LY75: variants seen among roughly 807,000 people sequenced by gnomAD.
LY75 encodes the protein C-type lectin domain family 13 member B.
Under a neutral mutation model 231.7 loss-of-function variants are expected in LY75, and 185 were observed. That is an observed-to-expected ratio of 0.80 (90% confidence interval 0.71 to 0.90). LY75 has a LOEUF of 0.90. LY75 is among the 40% of genes least tolerant of loss of function. The probability of loss-of-function intolerance (pLI) is 0.00; values close to 1 mark genes in which losing one functional copy is unlikely to be tolerated. For missense variants in LY75, 1,947 were observed against 2,050.2 expected, an observed-to-expected ratio of 0.95 and a Z score of 0.97; for synonymous variants, 668 against 689.0, an observed-to-expected ratio of 0.97 and a Z score of 0.48.
At chr2:159,882,347 A>G (rs1258828083) in intron 6 of LY75, 32 bp from the exon 7 acceptor site, 2 of 1,603,312 alleles carry the variant, frequency 1.2e-6, no homozygotes, top group Admixed American at 3.4e-5. Context: ...ATATTCCAGT[A>G]AAGATACATC....
rs1200438736 is a variant in LY75 at position 159,840,815 on chromosome 2, T to C, written c.3421A>G (p.Ile1141Val). 2 of 1,614,174 alleles carry C rather than the reference T, an allele frequency of 1.2e-6. No individual in the cohort carries two copies. The highest frequency in any genetic ancestry group is 1.7e-6 in the Non-Finnish European group (2 of 1,180,008). ...AATGCCTGCTGGTAAGGGTCCGTGA[T>C]GCTCACCAGCTGCATGTTACTTTTC... ...CLKSNMQLVS[I>V]TDPYQQAFLS... The change falls in exon 25 of 35, where the codon ATC becomes GTC. Residue 1141 changes from isoleucine (I) to valine (V), a missense_variant. Coordinates refer to ENST00000263636, the MANE Select transcript of LY75 (RefSeq NM_002349.4).
intron 16 of LY75, among the ~76,000 whole-genome samples, chr2:159,856,801 A>T (rs185286764): frequency 0.014 from 2,159 of 152,196 alleles, 28 homozygotes; most frequent in East Asian, 0.037. Flanking sequence ...TATTAAAAAA[A>T]ATATATATAC....
chr2:159,872,458 G>C lies in LY75; in HGVS notation c.2110C>G (p.Gln704Glu), dbSNP rs1560092018. Reference sequence around the variant, plus strand: ...TCATTCTTAAAGTATTACCTGAACTGGTCCGTTAAAAAGTGAAGAAATTCC... The same window carrying C: ...TCATTCTTAAAGTATTACCTGAACTCGTCCGTTAAAAAGTGAAGAAATTCC... ...IKEFLHFLTD[Q>E]FSGQHWLWIG... Residue 704 changes from glutamine to glutamate, a missense_variant, in exon 13 of 35, where the codon CAG becomes GAG. Coordinates refer to ENST00000263636, the MANE Select transcript of LY75 (RefSeq NM_002349.4). The C allele has an allele frequency of 6.2e-7, 1 of 1,613,536 alleles. No individual in the cohort carries two copies. Among genetic ancestry groups the C allele is most frequent in the Non-Finnish European group, 8.5e-7 (1 of 1,179,750 alleles).
At chr2:159,879,456 CAG>C in intron 8 of LY75, 87 bp from the exon 9 acceptor site, 28 of 1,542,676 alleles carry the variant, frequency 1.8e-5, no homozygotes, top group South Asian at 2.3e-5. Context: ...ATGACAGAGA[CAG>C]AGAGAGAGAA....
rs563165947 is a variant in LY75, at chr2:159,893,915, A to G, written c.636T>C (p.Pro212=). 6.2e-7 allele frequency: 1 copy of G among 1,607,916 alleles called. No individual in the cohort carries two copies. Residue 212 remains proline, a splice_region_variant and synonymous_variant, in exon 3 of 35, where the codon CCT becomes CCC. Coordinates refer to ENST00000263636, the MANE Select transcript of LY75 (RefSeq NM_002349.4). ...YDRKWGICLK[P]ENGCEDNWEK... The stretch of plus-strand genomic sequence containing the variant: ...TAAAATTTACCAGCCCATACATACC[A>G]GGCTTTAAGCAGATGCCCCACTTTC...
chr2:159,851,600 A>G (rs1560081434), intron 21 of LY75, among the ~76,000 whole-genome samples: 1 of 152,230 alleles, frequency 6.6e-6, no homozygotes, highest in Non-Finnish European at 1.5e-5. Flanking sequence ...ATCTTTTCTC[A>G]TACTGTAGCA....
chr2:159,862,879 T>C (rs1684755927), intron 14 of LY75, among the ~76,000 whole-genome samples: 1 of 152,160 alleles, frequency 6.6e-6, no homozygotes, highest in Non-Finnish European at 1.5e-5. Flanking sequence ...CAACTTGTTG[T>C]ACAATAGATC....
At chr2:159,869,535 C>G (rs1684950362) in intron 13 of LY75, among the ~76,000 whole-genome samples, 1 of 152,138 alleles carries the variant, frequency 6.6e-6, no homozygotes. Flanking sequence ...TAGAGAAACT[C>G]TCACACTTCT....
At chr2:159,853,736 A>T (rs768698980) in intron 18 of LY75, 39 bp from the exon 19 acceptor site, 11 of 1,611,786 alleles carry the variant, frequency 6.8e-6, no homozygotes, top group Non-Finnish European at 8.5e-7. Context: ...ATATGTGCTG[A>T]GCTTTCTTGA....
chr2:159,898,886 T>C lies in LY75; in HGVS notation c.268A>G (p.Lys90Glu), dbSNP rs758916605. 17 of 1,614,036 alleles carry C rather than the reference T, an allele frequency of 1.1e-5. No homozygotes were observed. The highest frequency in any genetic ancestry group is 1.4e-5 in the Non-Finnish European group (17 of 1,180,036). ...AACATTCTCAGCTCATTTACCGATT[T>C]GGTAATATCGAGGCCAAGGCACTTT... ...SQKCLGLDIT[K>E]SVNELRMFSC... is the part of the protein sequence containing the mutation. The change falls in exon 2 of 35, where the codon AAA (lysine) becomes GAA (glutamate). Residue 90 changes from lysine to glutamate, a missense_variant. Lys to Glu is a moderately conservative substitution (Grantham distance 56). Coordinates refer to ENST00000263636, the MANE Select transcript of LY75 (RefSeq NM_002349.4).
At position 159,840,717 on chromosome 2, in the gene LY75, C is replaced by G. The variant is rs764286532; in HGVS notation, c.3507+12G>C. The G allele has an allele frequency of 1.9e-6, 3 of 1,613,968 alleles. No homozygotes were observed. The South Asian group carries it at 3.3e-5, about 18-fold the overall frequency. On this transcript the variant is annotated intron_variant, in intron 25 of 34. Transcript: ENST00000263636. ...CATCACCCAGTCCTGGCAGTTGGGACTGAACACTTACATCTTGACTGAAGA... is the reference window on the plus strand; with the variant it reads ...CATCACCCAGTCCTGGCAGTTGGGAGTGAACACTTACATCTTGACTGAAGA...
chr2:159,860,763 C>G, intron 15 of LY75, 58 bp downstream of exon 15: 1 of 1,593,568 alleles, frequency 6.3e-7, no homozygotes, highest in Non-Finnish European at 8.6e-7. Flanking sequence ...TGTTACTTGA[C>G]TGCATATGAT....
At chr2:159,807,244 G>A in intron 33 of LY75, 104 bp from the exon 34 acceptor site, 2 of 1,252,752 alleles carry the variant, frequency 1.6e-6, no homozygotes, top group Non-Finnish European at 2.2e-6. Context: ...CAATATGAGA[G>A]CCACTTGTTA....
At chr2:159,852,826 T>C (rs779910550) in intron 20 of LY75, among the ~76,000 whole-genome samples, 16 of 152,318 alleles carry the variant, frequency 1.1e-4, no homozygotes, top group Non-Finnish European at 1.6e-4. Flanking sequence ...ATTTCTGTCT[T>C]CTATGATTAT....
At chr2:159,851,986 T>A (rs1574558499) in intron 21 of LY75, among the ~76,000 whole-genome samples, 1 of 152,314 alleles carries the variant, frequency 6.6e-6, no homozygotes, top group Admixed American at 6.5e-5. Flanking sequence ...AAAATAGAAA[T>A]GCTGCACTTT....
At position 159,805,127 on chromosome 2, in the gene LY75, A is replaced by G. The variant is rs1560057622; in HGVS notation, c.5086T>C (p.Leu1696=). 6.2e-7 allele frequency: 1 copy of G among 1,614,146 alleles called. No individual in the cohort carries two copies. Among genetic ancestry groups the G allele is most frequent in the Non-Finnish European group, 8.5e-7 (1 of 1,179,972 alleles). The change falls in exon 35 of 35, where the codon TTG becomes CTG. Residue 1696 remains leucine, a synonymous_variant. Transcript: ENST00000263636. ...ACTGATGAGAAACCCGCCAGGTGCA[A>G]ACGGTGCCTTTGGAAGAGGAACCAA... is the stretch of plus-strand genomic sequence containing the variant. The part of the protein sequence containing the change: ...LIWFLFQRHR[L]HLAGFSSVRY...
chr2:159,901,234 A>G (rs1053930962), intron 1 of LY75, among the ~76,000 whole-genome samples: 4 of 152,212 alleles, frequency 2.6e-5, no homozygotes, highest in Admixed American at 6.5e-5. Flanking sequence ...AAAATGTGCT[A>G]TAAGATTACT....
chr2:159,828,475 G>C (rs1381970921), intron 28 of LY75, among the ~76,000 whole-genome samples: 2 of 152,212 alleles, frequency 1.3e-5, no homozygotes, highest in African/African-American at 4.8e-5. Flanking sequence ...CACTCACTTA[G>C]ATGGCTATAA....
At chr2:159,878,195 T>C (rs115172573) in intron 11 of LY75, 129 bp downstream of exon 11, 4 of 1,281,216 alleles carry the variant, frequency 3.1e-6, no homozygotes, top group Non-Finnish European at 3.2e-6. Context: ...TATGGTTCCA[T>C]AGATAGACTC....
Sources: gnomAD v4.1 joint callset for allele counts (sites outside exome capture counted in the v4.1 genomes callset) on GRCh38, gnomAD v4.1.1 for gene constraint, MANE v1.5 for transcripts, NCBI Gene and HGNC (gene_info 2026-07-23, HGNC 2026-07-21) for gene names.